The following SEMA4D variants were observed in gnomAD, a reference collection of about 807,000 sequenced individuals.
The protein encoded by SEMA4D is semaphorin 4D.
A neutral mutation model predicts 74.8 loss-of-function variants in SEMA4D; 22 were observed. That is an observed-to-expected ratio of 0.29 (90% CI 0.21 to 0.42). The LOEUF is 0.42. Among genes scored for constraint, SEMA4D ranks in the 10% least tolerant of loss-of-function variants. The pLI, the probability that SEMA4D is intolerant of heterozygous loss-of-function variation, is 1.00. For synonymous variants in SEMA4D, 445 were observed against 463.7 expected (o/e 0.96, Z 0.52); for missense variants, 937 against 1,118.4 (o/e 0.84, Z 2.31).
intron 9 of SEMA4D, 71 bp downstream of exon 9, chr9:89,391,185 AAGGTCAGG>A: frequency 1.4e-6 from 2 of 1,411,114 alleles, no homozygotes; most frequent in Non-Finnish European, 2.0e-6. Context: ...ATTTGAGACG[AAGGTCAGG>A]AGCCACCCAT....
intron 2 of SEMA4D, among the ~76,000 whole-genome samples, chr9:89,452,582 G>C (rs1041260535): frequency 4.6e-5 from 7 of 152,168 alleles, no homozygotes; most frequent in African/African-American, 1.7e-4. Context: ...CTCCAGAGTG[G>C]CTGGGATTAC....
chr9:89,480,824 G>C (rs867868307), intron 1 of SEMA4D, among the ~76,000 whole-genome samples: 2 of 152,246 alleles, frequency 1.3e-5, no homozygotes, highest in Admixed American at 6.5e-5. Context: ...TACAAACTGG[G>C]GGAGTGGGCT....
At chr9:89,420,957 T>C (rs4291357) in intron 2 of SEMA4D, among the ~76,000 whole-genome samples, 149,664 of 152,370 alleles carry the variant, frequency 0.98, 73,613 homozygotes, top group Non-Finnish European at 1. Flanking sequence ...TTCTTACCAC[T>C]TGTGAAATGA....
intron 2 of SEMA4D, among the ~76,000 whole-genome samples, chr9:89,446,877 C>T (rs1362085773): frequency 1.3e-5 from 2 of 152,198 alleles, no homozygotes; most frequent in South Asian, 2.1e-4. Flanking sequence ...GTGTCCAGCT[C>T]GGAGGACTCG....
chr9:89,410,573 G>A (rs1375671169), intron 2 of SEMA4D, among the ~76,000 whole-genome samples: 1 of 152,200 alleles, frequency 6.6e-6, no homozygotes, highest in Non-Finnish European at 1.5e-5. Flanking sequence ...TAGCAGAGAT[G>A]AAAAAAAGGG....
At chr9:89,376,274 G>C (rs896062654), downstream of SEMA4D, 1 of 152,270 alleles carries the variant, frequency 6.6e-6, no homozygotes. Context: ...GCTGAGGCAG[G>C]AGGATGGCTT....
intron 2 of SEMA4D, among the ~76,000 whole-genome samples, chr9:89,417,621 A>T (rs1428688815): frequency 2.0e-5 from 3 of 152,218 alleles, no homozygotes; most frequent in Non-Finnish European, 1.5e-5. Flanking sequence ...TTAAGATTAA[A>T]CACAAAATGG....
intron 9 of SEMA4D, 67 bp from the exon 10 acceptor site, chr9:89,389,114 G>A (rs551455711): frequency 6.5e-7 from 1 of 1,541,184 alleles, no homozygotes; most frequent in East Asian, 2.3e-5. Flanking sequence ...ACTAAGGTCA[G>A]AGGTGCACCC....
intron 16 of SEMA4D, among the ~76,000 whole-genome samples, chr9:89,370,612 CTG>C (rs1276108554): frequency 6.9e-6 from 1 of 145,558 alleles, no homozygotes; most frequent in African/African-American, 2.6e-5. Flanking sequence ...GTATGTGTGT[CTG>C]GGATGTGTGT....
chr9:89,368,378 C>T (rs1037526236), intron 16 of SEMA4D: 2 of 153,054 alleles, frequency 1.3e-5, no homozygotes, highest in African/African-American at 4.8e-5. Flanking sequence ...GACACCTGCT[C>T]CCAGCCTCTT....
chr9:89,395,661 C>T (rs111688523), intron 6 of SEMA4D, among the ~76,000 whole-genome samples: 1 of 152,014 alleles, frequency 6.6e-6, no homozygotes, highest in African/African-American at 2.4e-5. Flanking sequence ...GTCTTACTAT[C>T]CCCAAAGCAC....
chr9:89,371,320 GGGGT>G (rs1834682128), intron 16 of SEMA4D, among the ~76,000 whole-genome samples: 1 of 138,546 alleles, frequency 7.2e-6, no homozygotes. Context: ...TGGTGTGTGT[GGGGT>G]TGGTGTGTGT....
At position 89,388,802 on chromosome 9, in the gene SEMA4D, G is replaced by A. The variant is rs1839145149; in HGVS notation, c.951-10C>T. 1.2e-6 allele frequency: 2 copies of A among 1,605,542 alleles called. No individual in the cohort carries two copies. The highest frequency in any genetic ancestry group is 2.2e-5 in the East Asian group (1 of 44,664). On this transcript the variant is annotated splice_polypyrimidine_tract_variant and intron_variant, in intron 10 of 15. Transcript: ENST00000422704. ...CAGCCCCACGTTGTTCCTGGGGAGG[G>A]GAAAGAGGTGACGGGACCACCTGGC...
intron 2 of SEMA4D, among the ~76,000 whole-genome samples, chr9:89,440,584 T>C (rs927813380): frequency 6.6e-6 from 1 of 152,132 alleles, no homozygotes; most frequent in Non-Finnish European, 1.5e-5. Flanking sequence ...AAGCGTCCCC[T>C]GGTCTCCTGG....
At chr9:89,441,674 A>C (rs879892405) in intron 2 of SEMA4D, among the ~76,000 whole-genome samples, 3 of 152,148 alleles carry the variant, frequency 2.0e-5, no homozygotes, top group Non-Finnish European at 4.4e-5. Flanking sequence ...ACCTGCCTGG[A>C]GGCTGTGGCT....
At chr9:89,362,451 G>A (rs1230287917) in intron 18 of SEMA4D, 1 of 1,613,864 alleles carries the variant, frequency 6.2e-7, no homozygotes, top group Non-Finnish European at 8.5e-7. Flanking sequence ...TGTGGTCTTT[G>A]AATCCTTGGT....
intron 2 of SEMA4D, among the ~76,000 whole-genome samples, chr9:89,442,025 G>C (rs984509225): frequency 6.6e-5 from 10 of 152,218 alleles, no homozygotes; most frequent in Non-Finnish European, 1.5e-5. Flanking sequence ...CTGAAATCTT[G>C]CACAGTTCAT....
intron 1 of SEMA4D, among the ~76,000 whole-genome samples, chr9:89,465,578 A>G (rs1268375400): frequency 6.6e-6 from 1 of 152,228 alleles, no homozygotes; most frequent in East Asian, 1.9e-4. Context: ...ACTAACTGCC[A>G]TGGAACTATT....
exon 19 of SEMA4D, chr9:89,362,154 C>T (rs943162484): frequency 1.7e-6 from 1 of 601,154 alleles, no homozygotes; most frequent in African/African-American, 1.9e-5. Flanking sequence ...CCAGACAGAA[C>T]TTACTGTCCC....
Sources: allele counts gnomAD v4.1 joint callset (sites outside exome capture counted in the v4.1 genomes callset), GRCh38; gene constraint gnomAD v4.1.1; transcripts MANE v1.5; gene names NCBI Gene and HGNC (gene_info 2026-07-23, HGNC 2026-07-21).